The following FHIT variants were observed in gnomAD, a reference collection of about 807,000 sequenced individuals.
FHIT encodes the protein bis(5'-adenosyl)-triphosphatase.
FHIT carries 19 observed loss-of-function variants against 17.9 expected under a neutral mutation model. That is an observed-to-expected ratio of 1.06 (90% CI 0.74 to 1.56). The LOEUF is 1.56. Among genes scored for constraint, FHIT ranks in the 40% most tolerant of loss-of-function variants. The pLI is 0.00. For missense variants in FHIT, 248 were observed against 189.2 expected, an observed-to-expected ratio of 1.31 and a Z score of -1.82; for synonymous variants, 81 against 69.7, an observed-to-expected ratio of 1.16 and a Z score of -0.81.
At chr3:60,781,403 C>T (rs1264982568) in intron 4 of FHIT, among the ~76,000 whole-genome samples, 1 of 152,000 alleles carries the variant, frequency 6.6e-6, no homozygotes, top group Non-Finnish European at 1.5e-5. Flanking sequence ...AAACTATAGA[C>T]CCAAAGAAAA....
rs531799363 is a variant in FHIT at position 60,853,887 on chromosome 3, A to C, written c.-110-31876T>G. Among the ~76,000 whole-genome samples the C allele has an allele frequency of 1.9e-3, 290 of 152,248 alleles. 2 individuals carry two copies. In the South Asian group the frequency reaches 0.024, roughly 13 times the overall value. ...TACACAAAAACACCTGATTTTTCCC[A>C]AGATTTGTTAAACATAGTCCCTTTG... On this transcript the variant is annotated intron_variant, in intron 3 of 9. Transcript: ENST00000492590.
At chr3:61,190,475 T>C (rs949486142) in intron 2 of FHIT, among the ~76,000 whole-genome samples, 2 of 152,202 alleles carry the variant, frequency 1.3e-5, no homozygotes, top group African/African-American at 2.4e-5. Flanking sequence ...ACTGTTACAC[T>C]GTTGGTGGGA....
chr3:61,021,459 C>T (rs1485531492), intron 3 of FHIT, among the ~76,000 whole-genome samples: 23 of 141,998 alleles, frequency 1.6e-4, no homozygotes, highest in African/African-American at 3.9e-4. Context: ...ATTAGCCGGG[C>T]GTAGCGGCGG....
At chr3:61,204,509 T>A (rs1356506763) in intron 1 of FHIT, among the ~76,000 whole-genome samples, 1 of 151,928 alleles carries the variant, frequency 6.6e-6, no homozygotes, top group African/African-American at 2.4e-5. Flanking sequence ...CTATACAACA[T>A]TGAAATGGAA....
Position 60,269,523 on chromosome 3 carries a change from G to A in FHIT, c.104-255371C>T, listed in dbSNP as rs189949900. On this transcript the variant is annotated intron_variant, in intron 5 of 9. Transcript: ENST00000492590. ...TTGCTTTAGCTTATCGCTTTAGGCA[G>A]ATATTTTTGCCTCAGTTATCTTTTA... Among the ~76,000 whole-genome samples, 8 of 152,290 alleles carry A rather than the reference G, an allele frequency of 5.3e-5. No individual in the cohort carries two copies. The East Asian group carries it at 1.4e-3, about 26-fold the overall frequency.
At chr3:60,591,591 C>G (rs1444232237) in intron 4 of FHIT, among the ~76,000 whole-genome samples, 1 of 151,994 alleles carries the variant, frequency 6.6e-6, no homozygotes. Flanking sequence ...GAAAACAATT[C>G]AAAATCCAGG....
intron 4 of FHIT, among the ~76,000 whole-genome samples, chr3:60,571,438 T>G (rs2682961): frequency 0.95 from 142,739 of 150,544 alleles, 67,704 homozygotes; most frequent in East Asian, 1. Flanking sequence ...GATTAATTAA[T>G]ATCAATTAAT....
At chr3:60,155,378 C>G (rs541130211) in intron 5 of FHIT, among the ~76,000 whole-genome samples, 1 of 152,156 alleles carries the variant, frequency 6.6e-6, no homozygotes, top group South Asian at 2.1e-4. Flanking sequence ...AAACAGGACA[C>G]TATTCCCACC....
In FHIT at chr3:60,012,196, G is replaced by A. The variant is rs145533264; in HGVS notation, c.250-796C>T. Among the ~76,000 whole-genome samples the A allele has an allele frequency of 1.9e-4, 29 of 151,880 alleles. No individual in the cohort carries two copies. The East Asian group carries it at 5.6e-3, about 29-fold the overall frequency. On this transcript the variant is annotated intron_variant, in intron 6 of 9. Transcript: ENST00000492590. Reference sequence around the variant, plus strand: ...AAACTTAGAGTCACAATCCATTAGTGGGTCATGAAGTCAACTTAATGGGTT... The same window carrying A: ...AAACTTAGAGTCACAATCCATTAGTAGGTCATGAAGTCAACTTAATGGGTT...
At chr3:60,666,387 T>A (rs2040382456) in intron 4 of FHIT, among the ~76,000 whole-genome samples, 1 of 152,206 alleles carries the variant, frequency 6.6e-6, no homozygotes, top group Non-Finnish European at 1.5e-5. Context: ...AGTTGATAAT[T>A]CTTTCAGTAC....
At chr3:61,206,886 T>G (rs979793891) in intron 1 of FHIT, among the ~76,000 whole-genome samples, 2 of 152,226 alleles carry the variant, frequency 1.3e-5, no homozygotes, top group Non-Finnish European at 2.9e-5. Flanking sequence ...AGGGCATCCC[T>G]GTCTTGTGCC....
chr3:60,678,457 A>T (rs1251644016), intron 4 of FHIT, among the ~76,000 whole-genome samples: 1 of 152,196 alleles, frequency 6.6e-6, no homozygotes, highest in Non-Finnish European at 1.5e-5. Flanking sequence ...AAGATTCACA[A>T]CATACATTCC....
intron 4 of FHIT, among the ~76,000 whole-genome samples, chr3:60,578,607 G>A (rs1400851781): frequency 6.6e-6 from 1 of 152,122 alleles, no homozygotes; most frequent in Non-Finnish European, 1.5e-5. Context: ...TATATCATAT[G>A]TGGCACAAGG....
intron 5 of FHIT, among the ~76,000 whole-genome samples, chr3:60,532,240 T>C (rs1211696573): frequency 2.0e-5 from 3 of 152,236 alleles, no homozygotes; most frequent in African/African-American, 7.2e-5. Flanking sequence ...TGCAGCTCCT[T>C]ATGCCATTCA....
chr3:59,836,842 A>G (rs770608298), intron 8 of FHIT, among the ~76,000 whole-genome samples: 1 of 152,186 alleles, frequency 6.6e-6, no homozygotes, highest in Non-Finnish European at 1.5e-5. Flanking sequence ...CAGTGATGCA[A>G]GTCTGAGTGA....
Position 59,817,699 on chromosome 3 carries a change from G to C in FHIT, c.349-65378C>G, listed in dbSNP as rs141148213. 2.7e-3 allele frequency among the ~76,000 whole-genome samples: 411 copies of C among 152,082 alleles called. 2 individuals carry two copies. The highest frequency in any genetic ancestry group is 4.8e-3 in the Non-Finnish European group (327 of 67,996). On this transcript the variant is annotated intron_variant, in intron 8 of 9. Coordinates refer to ENST00000492590, the MANE Select transcript of FHIT (RefSeq NM_002012.4). ...CACAGAAGAGCTTTGTTTCACATTC[G>C]TTTCGGCTTCCAAAGCAACTAGTCA...
At chr3:61,041,397 G>A (rs1202648935) in intron 3 of FHIT, among the ~76,000 whole-genome samples, 1 of 151,214 alleles carries the variant, frequency 6.6e-6, no homozygotes, top group East Asian at 1.9e-4. Flanking sequence ...AAATTTACAA[G>A]ACTACCGAGA....
At chr3:60,722,084 T>A (rs1553708204) in intron 4 of FHIT, among the ~76,000 whole-genome samples, 1 of 152,178 alleles carries the variant, frequency 6.6e-6, no homozygotes, top group African/African-American at 2.4e-5. Flanking sequence ...GGCTCAGAGA[T>A]GATATGGTCA....
chr3:60,638,421 G>A (rs1038250175), intron 4 of FHIT, among the ~76,000 whole-genome samples: 7 of 152,172 alleles, frequency 4.6e-5, no homozygotes, highest in Non-Finnish European at 2.9e-5. Flanking sequence ...GACAACATGT[G>A]AATCTAGGAT....
Sources: gnomAD v4.1 joint callset for allele counts (sites outside exome capture counted in the v4.1 genomes callset) on GRCh38, gnomAD v4.1.1 for gene constraint, MANE v1.5 for transcripts, NCBI Gene and HGNC (gene_info 2026-07-23, HGNC 2026-07-21) for gene names.